PTPRT: variants seen among roughly 807,000 people sequenced by gnomAD.
PTPRT encodes receptor-type tyrosine-protein phosphatase T.
In PTPRT, 56 loss-of-function variants were observed where a neutral mutation model predicts 176.8. The observed-to-expected ratio is 0.32, with a 90% CI of 0.26 to 0.40. The LOEUF (loss-of-function observed/expected upper bound fraction) is 0.40. PTPRT is among the 10% of genes least tolerant of loss of function. PTPRT has a pLI of 1.00. For synonymous variants in PTPRT, 783 were observed against 739.0 expected (o/e 1.06, Z -0.96); for missense variants, 1,540 against 1,908.2 (o/e 0.81, Z 3.60).
chr20:42,993,508 ATGTG>A lies in PTPRT; in HGVS notation c.89-107580_89-107577del, dbSNP rs1267426969. Among the ~76,000 whole-genome samples, 8 of 113,022 alleles carry A rather than the reference ATGTG, an allele frequency of 7.1e-5. 1 individual carries two copies. The highest frequency in any genetic ancestry group is 3.3e-4 in the Admixed American group (4 of 12,228). 74.1% of individuals were successfully genotyped at this position (113,022 alleles called of 152,430 possible). A position where few individuals can be genotyped will look rare whatever the true frequency, so the allele number is the denominator to read the frequency against. On this transcript the variant is annotated intron_variant, in intron 1 of 30. Transcript: ENST00000373187. ...TGTGTGTGTATATATATACACATAT[ATGTG>A]TGTGTATATATATACACATATATGT...
At chr20:42,525,132 A>G (rs1373535388) in intron 7 of PTPRT, among the ~76,000 whole-genome samples, 1 of 151,824 alleles carries the variant, frequency 6.6e-6, no homozygotes, top group Non-Finnish European at 1.5e-5. Context: ...ATATGAGCAC[A>G]CCACCACAGC....
At chr20:42,412,216 A>G (rs1480783785) in intron 9 of PTPRT, among the ~76,000 whole-genome samples, 1 of 152,260 alleles carries the variant, frequency 6.6e-6, no homozygotes, top group African/African-American at 2.4e-5. Flanking sequence ...GTTCAGTGGT[A>G]CAAAGACAGT....
chr20:42,547,272 A>C (rs564212775), intron 7 of PTPRT, among the ~76,000 whole-genome samples: 3 of 152,288 alleles, frequency 2.0e-5, no homozygotes, highest in Non-Finnish European at 4.4e-5. Flanking sequence ...GAAAAGTGGA[A>C]ACTTGCTAAC....
rs996442234 is a variant in PTPRT, at chr20:42,826,829, T to C, written c.215-35363A>G. Among the ~76,000 whole-genome samples, 104 of 152,226 alleles carry C rather than the reference T, an allele frequency of 6.8e-4. 2 individuals carry two copies. Among genetic ancestry groups the C allele is most frequent in the Admixed American group, 6.3e-3 (96 of 15,280 alleles). On this transcript the variant is annotated intron_variant, in intron 2 of 30. Transcript: ENST00000373187. The stretch of plus-strand genomic sequence containing the variant: ...AGAGACCCATCTCACATGCAATGAA[T>C]GGCACACAAAAGCTCAAAATAAAGG...
At chr20:43,021,900 T>C (rs958054545) in intron 1 of PTPRT, among the ~76,000 whole-genome samples, 2 of 151,622 alleles carry the variant, frequency 1.3e-5, no homozygotes, top group Non-Finnish European at 2.9e-5. Context: ...ATAGTGTCCC[T>C]GTTGTCACAG....
At chr20:42,930,075 G>C (rs1256725021) in intron 1 of PTPRT, among the ~76,000 whole-genome samples, 5 of 152,202 alleles carry the variant, frequency 3.3e-5, no homozygotes, top group Non-Finnish European at 7.3e-5. Flanking sequence ...TCTGGGAAAA[G>C]TTTAAGCATA....
intron 1 of PTPRT, among the ~76,000 whole-genome samples, chr20:43,102,205 C>G (rs891902808): frequency 2.0e-5 from 3 of 152,006 alleles, no homozygotes; most frequent in African/African-American, 7.2e-5. Context: ...TAGCATATGT[C>G]TCATGTACTT....
rs369232610 is a variant in PTPRT at position 42,706,179 on chromosome 20, T to TTGTGTGTG, written c.860-28028_860-28021dup. Among the ~76,000 whole-genome samples the TTGTGTGTG allele has an allele frequency of 6.8e-3, 846 of 123,526 alleles. 7 individuals are homozygous for TTGTGTGTG. Among genetic ancestry groups the TTGTGTGTG allele is most frequent in the Admixed American group, 0.019 (226 of 11,844 alleles). The allele number at this position is 123,526 out of a possible 152,430, so 81.0% of individuals were successfully genotyped here. ...TCTTTATCTCTCTCTCTCTCTCTGT[T>TTGTGTGTG]TGTGTGTGTGTGTGTGTGTGTGTGT... On this transcript the variant is annotated intron_variant, in intron 6 of 30. Coordinates refer to ENST00000373187, the MANE Select transcript of PTPRT (RefSeq NM_007050.6).
chr20:42,105,604 T>C (rs545820272), intron 24 of PTPRT, among the ~76,000 whole-genome samples: 4 of 152,338 alleles, frequency 2.6e-5, no homozygotes, highest in East Asian at 3.9e-4. Context: ...CTTTTCCAGA[T>C]GCTATGTGAT....
At chr20:43,154,042 C>G (rs974080073) in intron 1 of PTPRT, among the ~76,000 whole-genome samples, 6 of 152,092 alleles carry the variant, frequency 3.9e-5, no homozygotes, top group African/African-American at 1.4e-4. Context: ...AAGGAAACAC[C>G]CAAGTAGTAA....
chr20:42,790,479 A>G (rs1269648154), intron 3 of PTPRT, among the ~76,000 whole-genome samples: 1 of 152,032 alleles, frequency 6.6e-6, no homozygotes, highest in East Asian at 1.9e-4. Context: ...TTCACCATGG[A>G]CAGTATGAGC....
intron 7 of PTPRT, among the ~76,000 whole-genome samples, chr20:42,633,134 T>G (rs958808646): frequency 3.3e-5 from 5 of 152,174 alleles, no homozygotes; most frequent in African/African-American, 1.2e-4. Context: ...TCTCTGGTTA[T>G]CCCCTCTAGC....
intron 6 of PTPRT, among the ~76,000 whole-genome samples, chr20:42,723,384 A>G (rs1490575675): frequency 9.9e-5 from 15 of 152,136 alleles, no homozygotes. Context: ...TCCCATTCGA[A>G]GCTGCAGTGA....
rs750714367 is a variant in PTPRT, at chr20:42,161,552, G to T, written c.2492-10C>A. On this transcript the variant is annotated splice_polypyrimidine_tract_variant and intron_variant, in intron 16 of 30. Transcript: ENST00000373187. ...CCGCGGCTGCCATCTGCTTCGAAAA[G>T]AAGGAGGCAGAACAGATCATCACCT... 6.3e-7 allele frequency: 1 copy of T among 1,593,846 alleles called. No homozygotes were observed. Among genetic ancestry groups the T allele is most frequent in the South Asian group, 1.2e-5 (1 of 86,044 alleles).
intron 30 of PTPRT, 74 bp downstream of exon 30, chr20:42,081,808 T>G: frequency 6.5e-7 from 1 of 1,548,314 alleles, no homozygotes; most frequent in African/African-American, 1.4e-5. Context: ...GATGTTACTA[T>G]TTGATGTCAT....
chr20:42,398,592 C>A (rs1436612104), intron 9 of PTPRT, among the ~76,000 whole-genome samples: 2 of 152,222 alleles, frequency 1.3e-5, no homozygotes, highest in Non-Finnish European at 2.9e-5. Flanking sequence ...GGCGCATCGA[C>A]AAGAACAAAA....
At chr20:42,961,782 A>T (rs1337106181) in intron 1 of PTPRT, among the ~76,000 whole-genome samples, 1 of 152,206 alleles carries the variant, frequency 6.6e-6, no homozygotes, top group African/African-American at 2.4e-5. Context: ...GACTCTGCAG[A>T]TGTAATGAAG....
At chr20:42,196,090 A>G (rs1991207084) in intron 16 of PTPRT, among the ~76,000 whole-genome samples, 1 of 152,232 alleles carries the variant, frequency 6.6e-6, no homozygotes, top group Admixed American at 6.5e-5. Context: ...GGTCACAATG[A>G]TTGTCAAGAA....
intron 2 of PTPRT, among the ~76,000 whole-genome samples, chr20:42,885,323 T>C (rs1260347015): frequency 1.4e-5 from 2 of 147,566 alleles, no homozygotes; most frequent in Non-Finnish European, 3.0e-5. Context: ...GTATATAAAA[T>C]ATATGTAAAT....
Sources: gnomAD v4.1 joint callset for allele counts (sites outside exome capture counted in the v4.1 genomes callset) on GRCh38, gnomAD v4.1.1 for gene constraint, MANE v1.5 for transcripts, NCBI Gene and HGNC (gene_info 2026-07-23, HGNC 2026-07-21) for gene names.